Variants in CCL28 observed in about 807,000 individuals in gnomAD.
CCL28 encodes the protein C-C motif chemokine 28.
CCL28 carries 4 observed loss-of-function variants against 7.1 expected under a neutral mutation model. The ratio of observed to expected loss-of-function variants is 0.56; its 90% CI spans 0.28 to 1.29. CCL28 has a LOEUF of 1.29. Among genes scored for constraint, CCL28 ranks in the 50% most tolerant of loss-of-function variants. The pLI, the probability that CCL28 is intolerant of heterozygous loss-of-function variation, is 0.11. For missense variants in CCL28, 151 were observed against 163.4 expected (o/e 0.92, Z 0.41); for synonymous variants, 55 against 57.8 (o/e 0.95, Z 0.22).
the CCL28 span, among the ~76,000 whole-genome samples, chr5:43,361,593 G>C: frequency 6.6e-6 from 1 of 152,118 alleles, no homozygotes; most frequent in African/African-American, 2.4e-5. Context: ...GCACTGCCTA[G>C]GTTGTCTTCC....
At chr5:43,359,838 G>A in the CCL28 span, among the ~76,000 whole-genome samples, 1 of 151,890 alleles carries the variant, frequency 6.6e-6, no homozygotes, top group East Asian at 1.9e-4. Flanking sequence ...CCCCAGGCCT[G>A]TGACTCATGA....
downstream of CCL28, among the ~76,000 whole-genome samples, chr5:43,372,427 G>T (rs1561149200): frequency 6.6e-6 from 1 of 152,168 alleles, no homozygotes; most frequent in Non-Finnish European, 1.5e-5. Context: ...GGAGTGCAGT[G>T]GGGCAATCTC....
chr5:43,374,287 T>A (rs1356961610), downstream of CCL28, among the ~76,000 whole-genome samples: 1 of 152,222 alleles, frequency 6.6e-6, no homozygotes, highest in Middle Eastern at 3.2e-3. Flanking sequence ...AATATGCCAG[T>A]TAATCAGTTA....
chr5:43,375,614 C>G (rs1739875346), downstream of CCL28, among the ~76,000 whole-genome samples: 1 of 151,960 alleles, frequency 6.6e-6, no homozygotes, highest in Non-Finnish European at 1.5e-5. Context: ...ACTTAAAAAT[C>G]TTAGAACTAT....
chr5:43,371,923 G>A (rs1165120027), downstream of CCL28, among the ~76,000 whole-genome samples: 1 of 152,230 alleles, frequency 6.6e-6, no homozygotes, highest in African/African-American at 2.4e-5. Context: ...ACAAGCATCT[G>A]CTGCTTTTGA....
chr5:43,381,597 T>G lies in CCL28; in HGVS notation c.*263A>C. The G allele has an allele frequency of 3.1e-6, 1 of 323,354 alleles. No homozygotes were observed. The highest frequency in any genetic ancestry group is 5.6e-6 in the Non-Finnish European group (1 of 178,096). 20.0% of individuals were successfully genotyped at this position (323,354 alleles called of 1,614,324 possible). ...CTGGTCTCAAACTCCTGGTCTCAAG[T>G]GATCCTCCTGCCTCAGCCTCCCGAA... On this transcript the variant is annotated 3_prime_UTR_variant, in exon 3 of 3. Transcript: ENST00000361115.
intron 1 of CCL28, among the ~76,000 whole-genome samples, chr5:43,409,400 T>G (rs1268978631): frequency 1.3e-5 from 2 of 152,130 alleles, no homozygotes; most frequent in African/African-American, 4.8e-5. Flanking sequence ...CACTCCAGCC[T>G]GGGCGACAAG....
Position 43,388,874 on chromosome 5 carries a change from A to G in CCL28, c.65-398T>C, listed in dbSNP as rs142177656. Among the ~76,000 whole-genome samples the G allele has an allele frequency of 2.0e-5, 3 of 152,346 alleles. No individual in the cohort carries two copies. In the East Asian group the frequency reaches 5.8e-4, roughly 29 times the overall value. ...GTGACAGGCCCTGAGCTCTGCATTC[A>G]AAGTTGAAATAAGGCATAATCTGTC... is the stretch of plus-strand genomic sequence containing the variant. On this transcript the variant is annotated intron_variant, in intron 1 of 2. Coordinates refer to ENST00000361115, the MANE Select transcript of CCL28 (RefSeq NM_148672.3).
intron 1 of CCL28, among the ~76,000 whole-genome samples, chr5:43,408,681 A>G (rs1490447893): frequency 2.0e-5 from 3 of 152,146 alleles, no homozygotes; most frequent in Non-Finnish European, 4.4e-5. Context: ...TCACATTGCT[A>G]AATGCATAGA....
At chr5:43,361,687 A>G in the CCL28 span, among the ~76,000 whole-genome samples, 2 of 152,166 alleles carry the variant, frequency 1.3e-5, no homozygotes, top group African/African-American at 2.4e-5. Flanking sequence ...GAAGGGGTCT[A>G]GTTTCAATGT....
At chr5:43,367,260 T>A in the CCL28 span, among the ~76,000 whole-genome samples, 1 of 152,208 alleles carries the variant, frequency 6.6e-6, no homozygotes, top group African/African-American at 2.4e-5. Flanking sequence ...TCACTGGTAT[T>A]CCAGGTGCCA....
chr5:43,364,796 T>G, the CCL28 span, among the ~76,000 whole-genome samples: 5 of 152,154 alleles, frequency 3.3e-5, no homozygotes, highest in African/African-American at 1.2e-4. Flanking sequence ...CATTGATCCC[T>G]TTACCATTAT....
At chr5:43,366,565 G>T in the CCL28 span, among the ~76,000 whole-genome samples, 2 of 152,216 alleles carry the variant, frequency 1.3e-5, no homozygotes, top group African/African-American at 4.8e-5. Context: ...GAGTTCTCCT[G>T]TATGAAGTGT....
chr5:43,406,475 T>A (rs1741286446), intron 1 of CCL28, among the ~76,000 whole-genome samples: 1 of 152,082 alleles, frequency 6.6e-6, no homozygotes, highest in South Asian at 2.1e-4. Flanking sequence ...TCTCAATAAA[T>A]TAGGTATTGA....
intron 1 of CCL28, among the ~76,000 whole-genome samples, chr5:43,398,803 T>C (rs1489461285): frequency 6.6e-6 from 1 of 152,114 alleles, no homozygotes; most frequent in African/African-American, 2.4e-5. Context: ...TGAGCCGAGA[T>C]TGTGCCACTG....
chr5:43,369,511 G>A, the CCL28 span, among the ~76,000 whole-genome samples: 5 of 152,068 alleles, frequency 3.3e-5, no homozygotes, highest in South Asian at 2.1e-4. Context: ...TGCAACCTCC[G>A]CCTCCCAGGT....
the CCL28 span, among the ~76,000 whole-genome samples, chr5:43,358,086 A>G: frequency 6.6e-6 from 1 of 152,222 alleles, no homozygotes; most frequent in Non-Finnish European, 1.5e-5. Context: ...TTGTGAAGAT[A>G]CAGCTCTCCT....
At chr5:43,389,579 A>G (rs189442600) in intron 1 of CCL28, among the ~76,000 whole-genome samples, 2 of 152,358 alleles carry the variant, frequency 1.3e-5, no homozygotes, top group Non-Finnish European at 2.9e-5. Flanking sequence ...AAGAATCACA[A>G]GAAAATCTGT....
the CCL28 span, among the ~76,000 whole-genome samples, chr5:43,362,858 T>A: frequency 6.6e-6 from 1 of 152,192 alleles, no homozygotes; most frequent in Non-Finnish European, 1.5e-5. Flanking sequence ...ACATACCAAG[T>A]GGTTCATCCA....
Sources: gnomAD v4.1 joint callset for allele counts (sites outside exome capture counted in the v4.1 genomes callset) on GRCh38, gnomAD v4.1.1 for gene constraint, MANE v1.5 for transcripts, NCBI Gene and HGNC (gene_info 2026-07-23, HGNC 2026-07-21) for gene names.